BORA: variants seen among roughly 807,000 people sequenced by gnomAD.
BORA encodes the protein protein aurora borealis.
In BORA, 26 loss-of-function variants were observed where a neutral mutation model predicts 55.8. The ratio of observed to expected loss-of-function variants is 0.47; its 90% CI spans 0.34 to 0.65. The LOEUF is 0.65. BORA is among the 30% of genes least tolerant of loss of function. The probability of loss-of-function intolerance (pLI) is 0.01; values close to 1 mark genes in which losing one functional copy is unlikely to be tolerated. For synonymous variants in BORA, 201 were observed against 216.9 expected (o/e 0.93, Z 0.64); for missense variants, 568 against 671.5 (o/e 0.85, Z 1.70).
chr13:72,745,813 T>A, intron 8 of BORA, 131 bp from the exon 9 acceptor site: 2 of 627,226 alleles, frequency 3.2e-6, no homozygotes, highest in Non-Finnish European at 5.0e-6. Context: ...TGTTGCAAGG[T>A]GTCTTTTGGT....
At chr13:72,747,558 G>A (rs970672758) in intron 10 of BORA, among the ~76,000 whole-genome samples, 1 of 151,758 alleles carries the variant, frequency 6.6e-6, no homozygotes, top group Non-Finnish European at 1.5e-5. Context: ...TTTTGAGATG[G>A]GGTCTCACTC....
intron 7 of BORA, 116 bp downstream of exon 7, chr13:72,744,677 G>C: frequency 1.3e-6 from 1 of 775,466 alleles, no homozygotes; most frequent in Non-Finnish European, 2.1e-6. Context: ...TAAAGAAGTG[G>C]GGAAACTGCC....
In BORA at chr13:72,755,385, G is replaced by T. The variant is rs1445826295; in HGVS notation, c.*169G>T. 2 of 533,734 alleles carry T rather than the reference G, an allele frequency of 3.7e-6. No individual in the cohort carries two copies. The highest frequency in any genetic ancestry group is 6.6e-6 in the Non-Finnish European group (2 of 304,110). The allele number at this position is 533,734 out of a possible 1,614,324, so 33.1% of individuals were successfully genotyped here. On this transcript the variant is annotated 3_prime_UTR_variant, in exon 12 of 12. Transcript: ENST00000390667. ...TTACTGACATAGGAACAACAGAAAT[G>T]CTCCTGGAACTTCAAGTTGCTGAAT...
In BORA at chr13:72,755,511, C is replaced by A; in HGVS notation, c.*295C>A. 2.5e-6 allele frequency: 1 copy of A among 393,266 alleles called. No individual in the cohort carries two copies. Among genetic ancestry groups the A allele is most frequent in the Non-Finnish European group, 4.5e-6 (1 of 222,186 alleles). 24.4% of individuals were successfully genotyped at this position (393,266 alleles called of 1,614,324 possible). ...GCTGAGTGCTCCTATCTTACAGGGT[C>A]AATGAACTACTTATTAAGCCTTACT... On this transcript the variant is annotated 3_prime_UTR_variant, in exon 12 of 12. Coordinates refer to ENST00000390667, the MANE Select transcript of BORA (RefSeq NM_024808.5).
chr13:72,730,954 G>C (rs928876369), intron 2 of BORA, among the ~76,000 whole-genome samples: 12 of 150,896 alleles, frequency 8.0e-5, no homozygotes, highest in African/African-American at 2.9e-4. Context: ...TGTAATCCCA[G>C]CTACTCAGGA....
rs764919474 is a variant in BORA at position 72,727,950 on chromosome 13, G to A, written c.-73G>A. On this transcript the variant is annotated 5_prime_UTR_variant, in exon 1 of 12. Transcript: ENST00000390667. ...AGAGTCTATGCCTGTCGTGGAAGCT[G>A]GCCTGGCCCCCGGAGCTCCCTGGAG... The A allele has an allele frequency of 1.3e-6, 2 of 1,550,618 alleles. No homozygotes were observed. The highest frequency in any genetic ancestry group is 2.4e-5 in the South Asian group (2 of 84,060).
chr13:72,748,832 T>G (rs1272233114), intron 10 of BORA, among the ~76,000 whole-genome samples: 1 of 152,194 alleles, frequency 6.6e-6, no homozygotes, highest in African/African-American at 2.4e-5. Context: ...AACTAACCTT[T>G]GGAAGCCGTG....
chr13:72,747,184 T>C, intron 10 of BORA, 73 bp downstream of exon 10: 4 of 1,482,006 alleles, frequency 2.7e-6, no homozygotes, highest in Non-Finnish European at 3.6e-6. Context: ...GATTATAGTA[T>C]AAGAAAGATA....
chr13:72,728,255 G>T, intron 1 of BORA: 1 of 702,984 alleles, frequency 1.4e-6, no homozygotes, highest in South Asian at 1.5e-5. Flanking sequence ...ACCCCACCCC[G>T]CCAAGGTGTA....
intron 4 of BORA, among the ~76,000 whole-genome samples, chr13:72,736,587 C>T (rs1223788016): frequency 6.6e-6 from 1 of 152,116 alleles, no homozygotes; most frequent in East Asian, 1.9e-4. Context: ...AGCATAGTTA[C>T]CTAGCCCCTG....
intron 2 of BORA, among the ~76,000 whole-genome samples, chr13:72,730,728 C>A (rs1045926762): frequency 6.6e-6 from 1 of 151,866 alleles, no homozygotes; most frequent in African/African-American, 2.4e-5. Context: ...TCTCGTATTA[C>A]GTAATTCCAA....
intron 7 of BORA, 98 bp from the exon 8 acceptor site, chr13:72,744,883 A>G: frequency 8.8e-7 from 1 of 1,136,456 alleles, no homozygotes; most frequent in East Asian, 2.5e-5. Context: ...GAAAAAATTC[A>G]AACATAGTGC....
chr13:72,756,185 C>CTG lies in BORA; in HGVS notation c.*973_*974dup. 2.7e-5 allele frequency: 1 copy of CTG among 37,666 alleles called. No individual in the cohort carries two copies. Among genetic ancestry groups the CTG allele is most frequent in the Non-Finnish European group, 4.2e-5 (1 of 24,096 alleles). The allele number at this position is 37,666 out of a possible 1,614,324, so 2.3% of individuals were successfully genotyped here. The stretch of plus-strand genomic sequence containing the variant: ...GTCTCATTCAAAAGGGAATAAAGAC[C>CTG]TGTGTTATCAATGTGTCATTTTCTT... On this transcript the variant is annotated 3_prime_UTR_variant, in exon 12 of 12. Coordinates refer to ENST00000390667, the MANE Select transcript of BORA (RefSeq NM_024808.5).
intron 5 of BORA, among the ~76,000 whole-genome samples, chr13:72,740,687 T>C (rs7327083): frequency 0.88 from 134,073 of 152,166 alleles, 61,107 homozygotes; most frequent in Non-Finnish European, 0.99. Context: ...ACTCTACTGC[T>C]GTACCACAAA....
At chr13:72,743,162 T>C (rs535093379) in intron 5 of BORA, among the ~76,000 whole-genome samples, 52 of 152,300 alleles carry the variant, frequency 3.4e-4, no homozygotes, top group African/African-American at 1.2e-3. Context: ...GGATTTTAAA[T>C]GTTCCCACCA....
intron 9 of BORA, 34 bp from the exon 10 acceptor site, chr13:72,746,467 A>G: frequency 1.3e-6 from 2 of 1,565,326 alleles, no homozygotes; most frequent in Non-Finnish European, 1.7e-6. Context: ...TCATGTTTTT[A>G]TGATGTGATT....
At chr13:72,751,196 C>T (rs958267345) in intron 10 of BORA, among the ~76,000 whole-genome samples, 1 of 151,988 alleles carries the variant, frequency 6.6e-6, no homozygotes, top group South Asian at 2.1e-4. Flanking sequence ...TATGGAAGTT[C>T]CTCAAAAAAC....
intron 5 of BORA, among the ~76,000 whole-genome samples, chr13:72,742,266 T>C (rs1308839315): frequency 6.8e-6 from 1 of 146,746 alleles, no homozygotes; most frequent in Admixed American, 6.8e-5. Context: ...GGAGGGGGGG[T>C]TTGTTTGGTC....
At chr13:72,728,114 A>C (rs905764867) in intron 1 of BORA, 107 bp downstream of exon 1, 2 of 1,443,512 alleles carry the variant, frequency 1.4e-6, no homozygotes, top group East Asian at 5.0e-5. Flanking sequence ...GAATGGGAGC[A>C]GTCAGGGAGT....
Sources: allele counts gnomAD v4.1 joint callset (sites outside exome capture counted in the v4.1 genomes callset), GRCh38; gene constraint gnomAD v4.1.1; transcripts MANE v1.5; gene names NCBI Gene and HGNC (gene_info 2026-07-23, HGNC 2026-07-21).